Variants in NOVA1 observed in about 807,000 individuals in gnomAD.
NOVA1 encodes RNA-binding protein Nova-1.
NOVA1 carries 7 observed loss-of-function variants against 38.0 expected under a neutral mutation model. That is an observed-to-expected ratio of 0.18 (90% CI 0.10 to 0.35). The LOEUF (loss-of-function observed/expected upper bound fraction) is 0.35, where lower values mean the gene tolerates loss of function less well. Among genes scored for constraint, NOVA1 ranks in the 10% least tolerant of loss-of-function variants. The pLI, the probability that NOVA1 is intolerant of heterozygous loss-of-function variation, is 1.00. For synonymous variants in NOVA1, 270 were observed against 232.5 expected, an observed-to-expected ratio of 1.16 and a Z score of -1.47; for missense variants, 460 against 616.0, an observed-to-expected ratio of 0.75 and a Z score of 2.68.
At chr14:26,574,663 T>C (rs1253791050) in intron 2 of NOVA1, among the ~76,000 whole-genome samples, 2 of 152,242 alleles carry the variant, frequency 1.3e-5, no homozygotes, top group Non-Finnish European at 2.9e-5. Flanking sequence ...TACTCATTCA[T>C]ATTGTCTCCC....
At position 26,468,618 on chromosome 14, in the gene NOVA1, A is replaced by C. The variant is rs537422320; in HGVS notation, c.519+3702T>G. The stretch of plus-strand genomic sequence containing the variant: ...AGGTTGTGAAATAGTCATCTAGAGA[A>C]TAAGAGAATAAGAAAGTCAATGAGC... On this transcript the variant is annotated intron_variant, in intron 4 of 4. Transcript: ENST00000539517. Among the ~76,000 whole-genome samples the C allele has an allele frequency of 3.9e-5, 6 of 152,340 alleles. No individual in the cohort carries two copies. The South Asian group carries it at 1.2e-3, about 32-fold the overall frequency.
At chr14:26,505,824 CTG>C (rs1887603739) in intron 2 of NOVA1, among the ~76,000 whole-genome samples, 1 of 152,068 alleles carries the variant, frequency 6.6e-6, no homozygotes, top group Non-Finnish European at 1.5e-5. Flanking sequence ...AACGGTAACA[CTG>C]TAAATAATTA....
In NOVA1 at chr14:26,597,659, G is replaced by GCTTCTT; in HGVS notation, c.-224_-223insAAGAAG. 8.3e-7 allele frequency: 1 copy of GCTTCTT among 1,201,732 alleles called. No homozygotes were observed. Among genetic ancestry groups the GCTTCTT allele is most frequent in the Non-Finnish European group, 1.0e-6 (1 of 971,442 alleles). 74.4% of individuals were successfully genotyped at this position (1,201,732 alleles called of 1,614,324 possible). On this transcript the variant is annotated 5_prime_UTR_variant, in exon 1 of 5. Coordinates refer to ENST00000539517, the MANE Select transcript of NOVA1 (RefSeq NM_002515.3). ...GGCTGAGGAGCAGCTGCAGTGCAGT[G>GCTTCTT]TCAGAAAGGAGACAGGGGAATGGAG...
chr14:26,496,385 G>A (rs997837900), intron 2 of NOVA1, among the ~76,000 whole-genome samples: 2 of 152,158 alleles, frequency 1.3e-5, no homozygotes, highest in Admixed American at 1.3e-4. Flanking sequence ...TATAGATTCT[G>A]GATATTAGCC....
At chr14:26,562,611 G>T (rs1891894725) in intron 2 of NOVA1, among the ~76,000 whole-genome samples, 1 of 151,994 alleles carries the variant, frequency 6.6e-6, no homozygotes, top group Admixed American at 6.6e-5. Context: ...GAATAACTAG[G>T]AACACACTCT....
At chr14:26,509,370 G>C (rs980961297) in intron 2 of NOVA1, among the ~76,000 whole-genome samples, 5 of 152,254 alleles carry the variant, frequency 3.3e-5, no homozygotes, top group Middle Eastern at 3.4e-3. Context: ...TTGAAAATGA[G>C]AGTAGTGGTA....
intron 2 of NOVA1, among the ~76,000 whole-genome samples, chr14:26,563,446 C>G (rs1404847393): frequency 1.3e-5 from 2 of 150,600 alleles, no homozygotes; most frequent in African/African-American, 4.9e-5. Context: ...TAGTAAGTCC[C>G]TGAATAACTA....
intron 2 of NOVA1, among the ~76,000 whole-genome samples, chr14:26,560,215 A>G (rs182178672): frequency 6.4e-4 from 98 of 152,228 alleles, no homozygotes; most frequent in Non-Finnish European, 9.1e-4. Flanking sequence ...TTAATAATAC[A>G]TGTCTTTAAA....
intron 2 of NOVA1, among the ~76,000 whole-genome samples, chr14:26,551,812 T>C (rs948412773): frequency 2.0e-5 from 3 of 152,062 alleles, no homozygotes; most frequent in African/African-American, 7.2e-5. Flanking sequence ...CTACTCCTTT[T>C]AGGTATTTTT....
chr14:26,540,574 T>A (rs968298074), intron 2 of NOVA1, among the ~76,000 whole-genome samples: 1 of 152,222 alleles, frequency 6.6e-6, no homozygotes, highest in Non-Finnish European at 1.5e-5. Context: ...CAGCATGTAC[T>A]AGCATACTAT....
chr14:26,582,462 G>C (rs1893280356), intron 2 of NOVA1, among the ~76,000 whole-genome samples: 1 of 151,728 alleles, frequency 6.6e-6, no homozygotes, highest in African/African-American at 2.4e-5. Context: ...ATTGCAGTTT[G>C]CTTTTTAATG....
chr14:26,497,520 T>G (rs1473009201), intron 2 of NOVA1, among the ~76,000 whole-genome samples: 1 of 152,190 alleles, frequency 6.6e-6, no homozygotes, highest in Non-Finnish European at 1.5e-5. Context: ...TTACTAAGGA[T>G]TATCACATAA....
intron 2 of NOVA1, among the ~76,000 whole-genome samples, chr14:26,486,249 CTATT>C (rs1168296473): frequency 6.6e-6 from 1 of 151,996 alleles, no homozygotes; most frequent in Non-Finnish European, 1.5e-5. Flanking sequence ...TGAGTGGTAT[CTATT>C]CTTTTAGTTT....
At chr14:26,518,804 C>T (rs1888661949) in intron 2 of NOVA1, among the ~76,000 whole-genome samples, 1 of 152,022 alleles carries the variant, frequency 6.6e-6, no homozygotes, top group Non-Finnish European at 1.5e-5. Flanking sequence ...AGGTTTGTTA[C>T]ATGGCTATAT....
At chr14:26,555,772 T>C (rs545832626) in intron 2 of NOVA1, among the ~76,000 whole-genome samples, 25 of 152,280 alleles carry the variant, frequency 1.6e-4, no homozygotes, top group African/African-American at 5.8e-4. Flanking sequence ...AAGTAATATT[T>C]AATTCAACAA....
At chr14:26,596,809 T>C in intron 1 of NOVA1, 1 of 1,156,936 alleles carries the variant, frequency 8.6e-7, no homozygotes, top group Non-Finnish European at 1.1e-6. Flanking sequence ...ATACTACTTG[T>C]GGCCCAAAGC....
chr14:26,548,423 T>C (rs997060428), intron 2 of NOVA1, among the ~76,000 whole-genome samples: 1 of 152,018 alleles, frequency 6.6e-6, no homozygotes, highest in Non-Finnish European at 1.5e-5. Context: ...TAATTTAAAG[T>C]TACCTAAACC....
chr14:26,590,963 C>A (rs555819122), intron 2 of NOVA1, among the ~76,000 whole-genome samples: 2 of 151,674 alleles, frequency 1.3e-5, no homozygotes, highest in African/African-American at 2.4e-5. Context: ...AAAAAGGAAT[C>A]AAATAAAATG....
chr14:26,569,919 C>G (rs1892367498), intron 2 of NOVA1, among the ~76,000 whole-genome samples: 1 of 151,950 alleles, frequency 6.6e-6, no homozygotes, highest in Non-Finnish European at 1.5e-5. Context: ...TCAATGCATT[C>G]TTAAACAAGG....
Sources: allele counts gnomAD v4.1 joint callset (sites outside exome capture counted in the v4.1 genomes callset), GRCh38; gene constraint gnomAD v4.1.1; transcripts MANE v1.5; gene names NCBI Gene and HGNC (gene_info 2026-07-23, HGNC 2026-07-21).